CPNE6: variants seen among roughly 807,000 people sequenced by gnomAD.
The protein encoded by CPNE6 is copine-6.
Under a neutral mutation model 71.5 loss-of-function variants are expected in CPNE6, and 33 were observed. The observed-to-expected ratio is 0.46, with a 90% CI of 0.35 to 0.62. CPNE6 has a LOEUF of 0.62. CPNE6 is among the 20% of genes least tolerant of loss of function. The pLI is 0.00. For synonymous variants in CPNE6, 296 were observed against 293.0 expected (o/e 1.01, Z -0.10); for missense variants, 576 against 747.3 (o/e 0.77, Z 2.67).
chr14:24,071,140 T>G, intron 1 of CPNE6: 1 of 1,190,638 alleles, frequency 8.4e-7, no homozygotes, highest in Non-Finnish European at 1.2e-6. Context: ...AGAAGGGGTA[T>G]GTTTCCCAAT....
Position 24,075,716 on chromosome 14 carries a change from C to T in CPNE6, c.865-111C>T. 7.3e-7 allele frequency: 1 copy of T among 1,366,392 alleles called. No homozygotes were observed. Among genetic ancestry groups the T allele is most frequent in the Non-Finnish European group, 1.0e-6 (1 of 971,712 alleles). 84.6% of individuals were successfully genotyped at this position (1,366,392 alleles called of 1,614,324 possible). A position where few individuals can be genotyped will look rare whatever the true frequency, so the allele number is the denominator to read the frequency against. Reference sequence around the variant, plus strand: ...TCTGGGAACTGGAAACCACCCCCAACTGCAACCCAAAAAACTCTGGCTCCC... The same window carrying T: ...TCTGGGAACTGGAAACCACCCCCAATTGCAACCCAAAAAACTCTGGCTCCC... On this transcript the variant is annotated intron_variant, in intron 10 of 17. Coordinates refer to ENST00000397016, the Ensembl canonical transcript of CPNE6. This position sits in a 1 kb window ranked among gnomAD's most constrained non-coding sequence, Gnocchi z 4.3.
chr14:24,073,699 C>T lies in CPNE6; in HGVS notation c.348+21C>T, dbSNP rs201962674. On this transcript the variant is annotated intron_variant, in intron 4 of 17. Coordinates refer to ENST00000397016, the Ensembl canonical transcript of CPNE6. The surrounding 1 kb of genome is among the most constrained non-coding windows in gnomAD (Gnocchi z 5.5). ...GCCAGGTCTGCATTCCCGGCCTCCC[C>T]GGCTACCCTACCCTACCTCCATCAG... The T allele has an allele frequency of 1.9e-5, 31 of 1,603,556 alleles. 1 individual carries two copies. Among genetic ancestry groups the T allele is most frequent in the Middle Eastern group, 2.0e-4 (1 of 4,972 alleles).
chr14:24,077,491 G>A lies in CPNE6; in HGVS notation c.1536+101G>A, dbSNP rs955638629. The A allele has an allele frequency of 1.9e-5, 30 of 1,569,062 alleles. No homozygotes were observed. The highest frequency in any genetic ancestry group is 1.7e-4 in the Middle Eastern group (1 of 5,990). ...CCATTTGATGTCCTGCTAAGGACGC[G>A]GGAGCCCAGCTGGCCACCCTGAAGC... On this transcript the variant is annotated intron_variant, in intron 16 of 17. Coordinates refer to ENST00000397016, the Ensembl canonical transcript of CPNE6. The surrounding 1 kb of genome is among the most constrained non-coding windows in gnomAD (Gnocchi z 6.1).
Position 24,074,663 on chromosome 14 carries a change from AG to A in CPNE6, c.583-42del. The A allele has an allele frequency of 6.2e-7, 1 of 1,613,836 alleles. No individual in the cohort carries two copies. Among genetic ancestry groups the A allele is most frequent in the South Asian group, 1.1e-5 (1 of 91,078 alleles). On this transcript the variant is annotated intron_variant, in intron 7 of 17. Transcript: ENST00000397016. The surrounding 1 kb of genome is among the most constrained non-coding windows in gnomAD (Gnocchi z 4.5). ...TGAAGGGAGGGAGAGTAAAGTAAGAAGACACAGACAGGAGCTGACCAGCCAC... is the reference window on the plus strand; with the variant it reads ...TGAAGGGAGGGAGAGTAAAGTAAGAAACACAGACAGGAGCTGACCAGCCAC...
Position 24,075,087 on chromosome 14 carries a change from A to C in CPNE6, c.673-85A>C. On this transcript the variant is annotated intron_variant, in intron 8 of 17. Transcript: ENST00000397016. This position sits in a 1 kb window ranked among gnomAD's most constrained non-coding sequence, Gnocchi z 4.3. ...GAGACTCTAAGGCCCAAGTCCCCCT[A>C]CTCCAAGTCCCCGAGTCCCCCTACT... is the stretch of plus-strand genomic sequence containing the variant. The C allele has an allele frequency of 1.0e-6, 1 of 977,614 alleles. No homozygotes were observed. The highest frequency in any genetic ancestry group is 1.7e-5 in the Admixed American group (1 of 58,296). The allele number at this position is 977,614 out of a possible 1,614,324, so 60.6% of individuals were successfully genotyped here.
exon 18 of CPNE6, chr14:24,078,021 GC>G: frequency 3.1e-6 from 1 of 319,402 alleles, no homozygotes; most frequent in Non-Finnish European, 5.7e-6. Flanking sequence ...CAATGCTGTG[GC>G]CCCTCAGTGA....
In CPNE6 at chr14:24,077,587, C is replaced by T. The variant is rs920482182; in HGVS notation, c.1537-6C>T. 2 of 1,578,682 alleles carry T rather than the reference C, an allele frequency of 1.3e-6. No individual in the cohort carries two copies. Among genetic ancestry groups the T allele is most frequent in the African/African-American group, 1.3e-5 (1 of 74,268 alleles). On this transcript the variant is annotated splice_polypyrimidine_tract_variant and splice_region_variant and intron_variant, in intron 16 of 17. Coordinates refer to ENST00000397016, the Ensembl canonical transcript of CPNE6. This position sits in a 1 kb window ranked among gnomAD's most constrained non-coding sequence, Gnocchi z 6.1. The stretch of plus-strand genomic sequence containing the variant: ...ACCCCTAACCACATCACTGTCCCCA[C>T]CCTAGGCTGCCCCCTCTGCACTCGC...
chr14:24,071,501 G>GGGGCCCCCC, intron 1 of CPNE6, 61 bp from the exon 1 acceptor site: 51 of 1,416,652 alleles, frequency 3.6e-5, no homozygotes, highest in Non-Finnish European at 4.5e-5. Flanking sequence ...CTGGTGCTGC[G>GGGGCCCCCC]CCCCCCCCCA....
intron 1 of CPNE6, 52 bp from the exon 1 acceptor site, chr14:24,071,510 C>A (rs984133173): frequency 3.3e-5 from 50 of 1,492,608 alleles, no homozygotes; most frequent in South Asian, 1.5e-4. Context: ...CGCCCCCCCC[C>A]ACCCCTCCCC....
chr14:24,077,152 A>G lies in CPNE6; in HGVS notation c.1300-2A>G. ...CCTTCCACCCTCTCTGCTTGCCCTC[A>G]GAAGTACTCGGTGCTGCTGGTGCTC... On this transcript the variant is annotated splice_acceptor_variant, in intron 15 of 17. Coordinates refer to ENST00000397016, the Ensembl canonical transcript of CPNE6. LOFTEE classifies it high-confidence loss of function. The surrounding 1 kb of genome is among the most constrained non-coding windows in gnomAD (Gnocchi z 6.1). 6.2e-7 allele frequency: 1 copy of G among 1,601,056 alleles called. No individual in the cohort carries two copies. The highest frequency in any genetic ancestry group is 8.5e-7 in the Non-Finnish European group (1 of 1,177,844).
rs1488624798 is a variant in CPNE6, at chr14:24,073,733, C to T, written c.348+55C>T. ...TACCCTACCTCCATCAGCTTTGCCT[C>T]TGGAAGCCAAAAAGAGAGAAAACAT... On this transcript the variant is annotated intron_variant, in intron 4 of 17. Coordinates refer to ENST00000397016, the Ensembl canonical transcript of CPNE6. This position sits in a 1 kb window ranked among gnomAD's most constrained non-coding sequence, Gnocchi z 5.5. 3 of 1,548,284 alleles carry T rather than the reference C, an allele frequency of 1.9e-6. No homozygotes were observed. The African/African-American group carries it at 4.1e-5, about 21-fold the overall frequency.
rs2035978244 is a variant in CPNE6, at chr14:24,073,840, CCTCT to C, written c.348+165_348+168del. 6.6e-6 allele frequency among the ~76,000 whole-genome samples: 1 copy of C among 152,228 alleles called. No individual in the cohort carries two copies. On this transcript the variant is annotated intron_variant, in intron 4 of 17. Transcript: ENST00000397016. This position sits in a 1 kb window ranked among gnomAD's most constrained non-coding sequence, Gnocchi z 5.5. ...GTGCAGCCTCAGGAAAGATACTTAA[CCTCT>C]CTGAGTCTTAGTTTTCCTATCTAAA...
chr14:24,076,107 C>T (rs1209260878), intron 11 of CPNE6, 42 bp from the exon 11 acceptor site: 1 of 1,601,768 alleles, frequency 6.2e-7, no homozygotes, highest in Admixed American at 1.7e-5. Flanking sequence ...AATCTGGTGG[C>T]TCTCATGGTT....
chr14:24,075,949 G>A lies in CPNE6; in HGVS notation c.924+63G>A. 6.3e-7 allele frequency: 1 copy of A among 1,592,836 alleles called. No individual in the cohort carries two copies. Among genetic ancestry groups the A allele is most frequent in the Non-Finnish European group, 8.6e-7 (1 of 1,161,704 alleles). On this transcript the variant is annotated intron_variant, in intron 11 of 17. Coordinates refer to ENST00000397016, the Ensembl canonical transcript of CPNE6. This position sits in a 1 kb window ranked among gnomAD's most constrained non-coding sequence, Gnocchi z 4.3. ...GGGGCTGAGTCCATAGTGAAAGGAAGGAGCCCAGAATCTCCACTGCCCCAA... is the reference window on the plus strand; with the variant it reads ...GGGGCTGAGTCCATAGTGAAAGGAAAGAGCCCAGAATCTCCACTGCCCCAA...
Position 24,075,193 on chromosome 14 carries a change from T to A in CPNE6, c.694T>A (p.Ser232Thr), listed in dbSNP as rs759220922. The change falls in exon 9 of 18, where the codon TCC becomes ACC. Residue 232 changes from serine (S) to threonine (T), a missense_variant. By Grantham distance (58) the Ser-to-Thr change is moderately conservative. This residue lies in a region of CPNE6 where 214 missense variants were observed against 291.2 expected (regional missense o/e 0.73). Coordinates refer to ENST00000397016, the Ensembl canonical transcript of CPNE6. The surrounding 1 kb of genome is among the most constrained non-coding windows in gnomAD (Gnocchi z 4.3). ...TCAGTTCCTGGTGTATGACTATGAC[T>A]CCAGTGGGAAGCATGACTTCATCGG... The A allele has an allele frequency of 6.2e-7, 1 of 1,613,622 alleles. No homozygotes were observed. The highest frequency in any genetic ancestry group is 2.2e-5 in the East Asian group (1 of 44,866).
chr14:24,071,501 G>GGGGGGCCCCC, intron 1 of CPNE6, 61 bp from the exon 1 acceptor site: 1 of 1,416,704 alleles, frequency 7.1e-7, no homozygotes, highest in Non-Finnish European at 9.3e-7. Flanking sequence ...CTGGTGCTGC[G>GGGGGGCCCCC]CCCCCCCCCA....
chr14:24,076,022 A>G (rs1386601245), intron 11 of CPNE6, 127 bp from the exon 11 acceptor site: 5 of 1,499,068 alleles, frequency 3.3e-6, no homozygotes, highest in Admixed American at 1.7e-5. Context: ...GCACCCCCAC[A>G]TCATTATGTG....
rs1262419893 is a variant in CPNE6, at chr14:24,071,600, G to A, written c.-46G>A. Reference sequence around the variant, plus strand: ...GGAGCAGCAAGGGAGTCAGGGCCAGGGCCAGAGAGCCGGAGAGAGGAGCCC... The same window carrying A: ...GGAGCAGCAAGGGAGTCAGGGCCAGAGCCAGAGAGCCGGAGAGAGGAGCCC... On this transcript the variant is annotated 5_prime_UTR_variant, in exon 2 of 18. Transcript: ENST00000397016. 6.0e-6 allele frequency: 8 copies of A among 1,341,438 alleles called. No homozygotes were observed. In the East Asian group the frequency reaches 1.5e-4, roughly 25 times the overall value. The allele number at this position is 1,341,438 out of a possible 1,614,324, so 83.1% of individuals were successfully genotyped here.
intron 14 of CPNE6, 135 bp downstream of exon 13, chr14:24,076,692 C>T (rs1452795105): frequency 3.4e-6 from 5 of 1,456,604 alleles, no homozygotes; most frequent in Middle Eastern, 1.7e-4. Context: ...GTGAGGCTTC[C>T]AGGGCCGAGG....
Sources: allele counts gnomAD v4.1 joint callset (sites outside exome capture counted in the v4.1 genomes callset), GRCh38; gene constraint gnomAD v4.1.1; regional missense constraint gnomAD v4.1.1; non-coding constraint Gnocchi (gnomAD v3.1); transcripts MANE v1.5; gene names NCBI Gene and HGNC (gene_info 2026-07-23, HGNC 2026-07-21).